Variants in RNASEL observed in about 807,000 individuals in gnomAD.
RNASEL encodes 2-5A-dependent ribonuclease.
A neutral mutation model predicts 50.9 loss-of-function variants in RNASEL; 36 were observed. That is an observed-to-expected ratio of 0.71 (90% CI 0.54 to 0.93). The LOEUF (loss-of-function observed/expected upper bound fraction) is 0.93. Among genes scored for constraint, RNASEL ranks in the 40% least tolerant of loss-of-function variants. The probability of loss-of-function intolerance (pLI) is 0.00; values close to 1 mark genes in which losing one functional copy is unlikely to be tolerated. For synonymous variants in RNASEL, 335 were observed against 335.6 expected, an observed-to-expected ratio of 1.00 and a Z score of 0.02; for missense variants, 860 against 894.5, an observed-to-expected ratio of 0.96 and a Z score of 0.49.
At position 182,585,926 on chromosome 1, in the gene RNASEL, T is replaced by A; in HGVS notation, c.881A>T (p.Lys294Ile). 2 of 1,614,182 alleles carry A rather than the reference T, an allele frequency of 1.2e-6. No homozygotes were observed. The highest frequency in any genetic ancestry group is 1.7e-6 in the Non-Finnish European group (2 of 1,180,020). The change falls in exon 2 of 7, where the codon AAA becomes ATA. Residue 294 changes from lysine (K) to isoleucine (I), a missense_variant. Physicochemically the swap from Lys to Ile is moderately radical, Grantham distance 102 (BLOSUM62 -3). Coordinates refer to ENST00000367559, the MANE Select transcript of RNASEL (RefSeq NM_021133.4). ...KLKKIAELLC[K>I]RGASTDCGDL... ...CCCACAATCTGTACTGGCTCCACGT[T>A]TGCACAGCAACTCGGCGATTTTCTT...
rs542837078 is a variant in RNASEL, at chr1:182,580,039, G to C, written c.1905+1186C>G. On this transcript the variant is annotated intron_variant, in intron 5 of 6. Transcript: ENST00000367559. ...AATATAGATGATTGTCTCAGAAGTT[G>C]TGCTAAAGATTAAATGTGGTAACTC... The C allele has an allele frequency of 2.9e-4, 133 of 452,088 alleles. 4 individuals carry two copies. The highest frequency in any genetic ancestry group is 1.5e-3 in the South Asian group (93 of 63,760). The allele number at this position is 452,088 out of a possible 1,614,324, so 28.0% of individuals were successfully genotyped here. A position where few individuals can be genotyped will look rare whatever the true frequency, so the allele number is the denominator to read the frequency against.
At position 182,575,219 on chromosome 1, in the gene RNASEL, ATATATTGCTTTTGT is replaced by A; in HGVS notation, c.*159_*172del. Reference sequence around the variant, plus strand: ...GCTTATGGACTAGTGTAGTCTGGGTATATATTGCTTTTGTTATAGACATATGGAATACACGATGC... The same window carrying A: ...GCTTATGGACTAGTGTAGTCTGGGTATATAGACATATGGAATACACGATGC... On this transcript the variant is annotated 3_prime_UTR_variant, in exon 7 of 7. Coordinates refer to ENST00000367559, the MANE Select transcript of RNASEL (RefSeq NM_021133.4). 1 of 662,816 alleles carries A rather than the reference ATATATTGCTTTTGT, an allele frequency of 1.5e-6. No homozygotes were observed. Among genetic ancestry groups the A allele is most frequent in the Non-Finnish European group, 2.7e-6 (1 of 370,634 alleles). The allele number at this position is 662,816 out of a possible 1,614,324, so 41.1% of individuals were successfully genotyped here. A position where few individuals can be genotyped will look rare whatever the true frequency, so the allele number is the denominator to read the frequency against.
chr1:182,581,336 A>T lies in RNASEL; in HGVS notation c.1794T>A (p.Asn598Lys), dbSNP rs775665408. ...TWESRYRTLR[N>K]VGNESDIKTR... ...TTTTGATGTCGGATTCATTTCCCACATTCCGAAGCGTCCTATAGCGGCTGA... is the reference window on the plus strand; with the variant it reads ...TTTTGATGTCGGATTCATTTCCCACTTTCCGAAGCGTCCTATAGCGGCTGA... The change falls in exon 5 of 7, where the codon AAT (asparagine) becomes AAA (lysine). Residue 598 changes from asparagine to lysine, a missense_variant. Asn to Lys is a moderately conservative substitution (Grantham distance 94). Transcript: ENST00000367559. 5.0e-5 allele frequency: 80 copies of T among 1,613,992 alleles called. No individual in the cohort carries two copies. The highest frequency in any genetic ancestry group is 3.3e-4 in the Middle Eastern group (2 of 6,084).
rs1162933877 is a variant in RNASEL at position 182,586,641 on chromosome 1, C to T, written c.166G>A (p.Glu56Lys). The T allele has an allele frequency of 6.2e-7, 1 of 1,613,516 alleles. No homozygotes were observed. The highest frequency in any genetic ancestry group is 1.3e-5 in the African/African-American group (1 of 74,932). Residue 56 changes from glutamate (E) to lysine (K), a missense_variant, in exon 2 of 7, where the codon GAG becomes AAG. Glu to Lys is a moderately conservative substitution (Grantham distance 56). Transcript: ENST00000367559. ...TGCAGAGGTGTCCAGCCCCCTTCCT[C>T]TTCCTGGAAATTAACATTGGCTCCA... The part of the protein sequence containing the change: ...EGGANVNFQE[E>K]EGGWTPLHNA...
Position 182,583,083 on chromosome 1 carries a change from G to A in RNASEL, c.1567-825C>T, listed in dbSNP as rs564121404. Among the ~76,000 whole-genome samples, 21 of 152,292 alleles carry A rather than the reference G, an allele frequency of 1.4e-4. No individual in the cohort carries two copies. In the East Asian group the frequency reaches 4.0e-3, roughly 29 times the overall value. ...GCCTTCTGCAGAGTGTAGCCCACGA[G>A]TTTGAGTTTGTGGTGAAAGAAACCT... On this transcript the variant is annotated intron_variant, in intron 3 of 6. Coordinates refer to ENST00000367559, the MANE Select transcript of RNASEL (RefSeq NM_021133.4).
intron 2 of RNASEL, among the ~76,000 whole-genome samples, chr1:182,584,898 T>C (rs1350329561): frequency 2.0e-5 from 3 of 152,230 alleles, no homozygotes; most frequent in African/African-American, 7.2e-5. Flanking sequence ...TTCTGACTTG[T>C]TCTGCCTTGG....
Position 182,582,163 on chromosome 1 carries a change from A to T in RNASEL, c.1662T>A (p.Ser554=), listed in dbSNP as rs375590904. ...AQSNEEVVQL[S]PDEETKDLIH... is the part of the protein sequence containing the mutation. ...TGAGGTCCTTAGTTTCCTCATCTGGAGAAAGTTGAACCACCTCTTCATTAC... is the reference window on the plus strand; with the variant it reads ...TGAGGTCCTTAGTTTCCTCATCTGGTGAAAGTTGAACCACCTCTTCATTAC... Residue 554 remains serine (S), a synonymous_variant, in exon 4 of 7, where the codon TCT becomes TCA. Coordinates refer to ENST00000367559, the MANE Select transcript of RNASEL (RefSeq NM_021133.4). The T allele has an allele frequency of 4.3e-5, 69 of 1,614,116 alleles. No individual in the cohort carries two copies. The highest frequency in any genetic ancestry group is 5.7e-5 in the Non-Finnish European group (67 of 1,180,046).
chr1:182,586,150 C>CATT lies in RNASEL; in HGVS notation c.656_657insAAT (p.Glu219_Ala220insMet), dbSNP rs774542407. On this transcript the variant is annotated inframe_insertion, in exon 2 of 7. Transcript: ENST00000367559. ...GGTCCAGCAGCAGATGCGTAATAGC[C>CATT]TCCACATCACTATCGTCAGAGCTCA... 6.2e-7 allele frequency: 1 copy of CATT among 1,614,092 alleles called. No homozygotes were observed. Among genetic ancestry groups the CATT allele is most frequent in the Admixed American group, 1.7e-5 (1 of 60,002 alleles).
chr1:182,576,669 C>T (rs1661388591), intron 5 of RNASEL: 1 of 286,156 alleles, frequency 3.5e-6, no homozygotes, highest in Non-Finnish European at 6.6e-6. Context: ...GAGATTGAGA[C>T]CAGCCTGGCC....
intron 3 of RNASEL, among the ~76,000 whole-genome samples, chr1:182,582,672 G>A (rs1283219623): frequency 1.3e-5 from 2 of 152,172 alleles, no homozygotes; most frequent in African/African-American, 2.4e-5. Context: ...GTCCAGGCCA[G>A]GAGAGGCAAA....
In RNASEL at chr1:182,586,668, C is replaced by T. The variant is rs766840370; in HGVS notation, c.139G>A (p.Gly47Ser). Reference sequence around the variant, plus strand: ...TCCTGGAAATTAACATTGGCTCCACCTTCCAGCAATTGCTGGACCAGGTCA... The same window carrying T: ...TCCTGGAAATTAACATTGGCTCCACTTTCCAGCAATTGCTGGACCAGGTCA... ...DVDLVQQLLEGGANVNFQEEE... is the reference protein window; with the variant it reads ...DVDLVQQLLESGANVNFQEEE... Residue 47 changes from glycine (G) to serine (S), a missense_variant, in exon 2 of 7, where the codon GGT (glycine) becomes AGT (serine). Gly to Ser is a moderately conservative substitution (Grantham distance 56). Transcript: ENST00000367559. The T allele has an allele frequency of 6.2e-7, 1 of 1,614,034 alleles. No homozygotes were observed. Among genetic ancestry groups the T allele is most frequent in the East Asian group, 2.2e-5 (1 of 44,888 alleles).
chr1:182,579,574 TG>T, intron 5 of RNASEL: 1 of 1,142,362 alleles, frequency 8.8e-7, no homozygotes, highest in Non-Finnish European at 1.1e-6. Context: ...CTGGAAAACT[TG>T]GGCTCCAGAC....
rs1268729300 is a variant in RNASEL, at chr1:182,582,192, G to C, written c.1633C>G (p.Gln545Glu). Residue 545 changes from glutamine to glutamate, a missense_variant, in exon 4 of 7, where the codon CAA (glutamine) becomes GAA (glutamate). Coordinates refer to ENST00000367559, the MANE Select transcript of RNASEL (RefSeq NM_021133.4). ...GSISFEDLKA[Q>E]SNEEVVQLSP... ...AGTTGAACCACCTCTTCATTACTTT[G>C]AGCTTTCAGATCCTCAAATGAGATG... 2 of 1,614,208 alleles carry C rather than the reference G, an allele frequency of 1.2e-6. No homozygotes were observed. The highest frequency in any genetic ancestry group is 1.7e-6 in the Non-Finnish European group (2 of 1,180,034).
rs376651440 is a variant in RNASEL at position 182,585,587 on chromosome 1, C to T, written c.1220G>A (p.Cys407Tyr). The T allele has an allele frequency of 8.7e-6, 14 of 1,614,056 alleles. No homozygotes were observed. Among genetic ancestry groups the T allele is most frequent in the Admixed American group, 1.7e-5 (1 of 60,004 alleles). The change falls in exon 2 of 7, where the codon TGT becomes TAT. Residue 407 changes from cysteine to tyrosine, a missense_variant. Coordinates refer to ENST00000367559, the MANE Select transcript of RNASEL (RefSeq NM_021133.4). ...ACTGTTCTCTCGGCTGCTTTGCAGA[C>T]AAGAGACTTCCCGCTGTGCACGTGG... ...GSPRAQREVS[C>Y]LQSSRENSHL...
chr1:182,575,263 G>T lies in RNASEL; in HGVS notation c.*129C>A. On this transcript the variant is annotated 3_prime_UTR_variant, in exon 7 of 7. Transcript: ENST00000367559. ...GACATATGGAATACACGATGCCAGG[G>T]ACTGACATATCAGCTATGCAACTCA... 1.2e-6 allele frequency: 1 copy of T among 856,070 alleles called. No homozygotes were observed. Among genetic ancestry groups the T allele is most frequent in the Admixed American group, 1.7e-5 (1 of 57,568 alleles). The allele number at this position is 856,070 out of a possible 1,614,324, so 53.0% of individuals were successfully genotyped here.
Position 182,576,289 on chromosome 1 carries a change from A to G in RNASEL, c.2006T>C (p.Leu669Ser). Residue 669 changes from leucine to serine, a missense_variant, in exon 6 of 7, where the codon TTG (leucine) becomes TCG (serine). Transcript: ENST00000367559. ...VGDLLKFIRNLGEHIDEEKHK... is the reference protein window; with the variant it reads ...VGDLLKFIRNSGEHIDEEKHK... ...CTTTTCTTCATCAATGTGTTCTCCC[A>G]AATTCCGGATGAACTTTAGCAGATC... 3 of 1,612,616 alleles carry G rather than the reference A, an allele frequency of 1.9e-6. No individual in the cohort carries two copies. The highest frequency in any genetic ancestry group is 1.7e-5 in the Admixed American group (1 of 59,980).
At chr1:182,579,592 T>C (rs1349082329) in intron 5 of RNASEL, 2 of 1,158,710 alleles carry the variant, frequency 1.7e-6, no homozygotes, top group African/African-American at 1.6e-5. Flanking sequence ...AGACCTATGC[T>C]GACAAAATTA....
At chr1:182,579,439 A>C in intron 5 of RNASEL, 1 of 997,730 alleles carries the variant, frequency 1.0e-6, no homozygotes, top group Non-Finnish European at 1.2e-6. Flanking sequence ...CTGATGAAAG[A>C]GCAATGCTAG....
At chr1:182,576,095 T>C (rs565968513) in intron 6 of RNASEL, among the ~76,000 whole-genome samples, 161 bp downstream of exon 6, 1 of 152,374 alleles carries the variant, frequency 6.6e-6, no homozygotes, top group South Asian at 2.1e-4. Flanking sequence ...TCATTAATTG[T>C]AAGGCAACAG....
Sources: gnomAD v4.1 joint callset for allele counts (sites outside exome capture counted in the v4.1 genomes callset) on GRCh38, gnomAD v4.1.1 for gene constraint, MANE v1.5 for transcripts, NCBI Gene and HGNC (gene_info 2026-07-23, HGNC 2026-07-21) for gene names.